Variants in FUT1 observed in about 807,000 individuals in gnomAD.
FUT1 encodes galactoside alpha-(1,2)-fucosyltransferase 1.
For missense variants in FUT1, 476 were observed against 492.7 expected, an observed-to-expected ratio of 0.97 and a Z score of 0.32; for synonymous variants, 215 against 208.7, an observed-to-expected ratio of 1.03 and a Z score of -0.26.
chr19:48,751,030 G>A lies in FUT1; in HGVS notation c.252C>T (p.Tyr84=), dbSNP rs552192939. 1 of 1,594,814 alleles carries A rather than the reference G, an allele frequency of 6.3e-7. No individual in the cohort carries two copies. The highest frequency in any genetic ancestry group is 1.1e-5 in the South Asian group (1 of 87,730). Residue 84 remains tyrosine (Y), a synonymous_variant, in exon 2 of 2, where the codon TAC becomes TAT. Coordinates refer to ENST00000645652, the MANE Select transcript of FUT1 (RefSeq NM_001384359.1). ...PASLSGTWTV[Y]PNGRFGNQMG... is the part of the protein sequence containing the mutation. ...TCTGATTACCAAACCGGCCATTGGG[G>A]TAGACAGTCCAGGTGCCGGAGAGGG...
rs1568490396 is a variant in FUT1 at position 48,750,374 on chromosome 19, G to C, written c.908C>G (p.Thr303Ser). The change falls in exon 2 of 2, where the codon ACC becomes AGC. Residue 303 changes from threonine (T) to serine (S), a missense_variant. Coordinates refer to ENST00000645652, the MANE Select transcript of FUT1 (RefSeq NM_001384359.1). The part of the protein sequence containing the change: ...DFALLTQCNH[T>S]IMTIGTFGFW... ...GCCGAAGGTGCCAATGGTCATAATG[G>C]TGTGGTTGCACTGTGTGAGCAGGGC... 1.2e-6 allele frequency: 2 copies of C among 1,614,250 alleles called. No individual in the cohort carries two copies. Among genetic ancestry groups the C allele is most frequent in the Non-Finnish European group, 8.5e-7 (1 of 1,180,052 alleles).
upstream of FUT1, chr19:48,752,681 G>C: frequency 3.0e-6 from 3 of 985,350 alleles, no homozygotes; most frequent in Non-Finnish European, 2.4e-6. This position sits in a 1 kb window ranked among gnomAD's most constrained non-coding sequence, Gnocchi z 4.3. Context: ...GAGAGGGCGC[G>C]GCCGGGAGTC....
rs751122055 is a variant in FUT1 at position 48,750,254 on chromosome 19, G to T, written c.1028C>A (p.Ala343Glu). 3 of 1,613,784 alleles carry T rather than the reference G, an allele frequency of 1.9e-6. No homozygotes were observed. In the African/African-American group the frequency reaches 4.0e-5, roughly 22 times the overall value. The change falls in exon 2 of 2, where the codon GCG becomes GAG. Residue 343 changes from alanine to glutamate, a missense_variant. By Grantham distance (107) the Ala-to-Glu change is moderately radical. Transcript: ENST00000645652. ...SEFLKIFKPE[A>E]AFLPEWVGIN... is the part of the protein sequence containing the mutation. ...GCCCACCCACTCGGGCAGGAAGGCC[G>T]CCTCCGGCTTAAAGATCTTCAGGAA...
At position 48,748,290 on chromosome 19, in the gene FUT1, C is replaced by G. The variant is rs555111981; in HGVS notation, c.*1894G>C. 3 of 152,466 alleles carry G rather than the reference C, an allele frequency of 2.0e-5. No individual in the cohort carries two copies. The East Asian group carries it at 5.6e-4, about 29-fold the overall frequency. The allele number at this position is 152,466 out of a possible 1,614,324, so 9.4% of individuals were successfully genotyped here. ...ATCTGAGGCTGGGTCCAGGGTCTGC[C>G]TACCTTTAGATCGTTTTATCTCAGA... On this transcript the variant is annotated 3_prime_UTR_variant, in exon 2 of 2. Coordinates refer to ENST00000645652, the MANE Select transcript of FUT1 (RefSeq NM_001384359.1).
At position 48,750,295 on chromosome 19, in the gene FUT1, G is replaced by A. The variant is rs374497042; in HGVS notation, c.987C>T (p.Thr329=). 1.2e-6 allele frequency: 2 copies of A among 1,614,188 alleles called. No individual in the cohort carries two copies. The highest frequency in any genetic ancestry group is 8.5e-7 in the Non-Finnish European group (1 of 1,180,038). Residue 329 remains threonine (T), a synonymous_variant, in exon 2 of 2, where the codon ACC becomes ACT. Transcript: ENST00000645652. The part of the protein sequence containing the change: ...GGDTVYLANF[T]LPDSEFLKIF... ...TCTTCAGGAACTCAGAGTCTGGCAG[G>A]GTGAAGTTGGCCAGGTAGACAGTGT... is the stretch of plus-strand genomic sequence containing the variant.
At chr19:48,752,963 G>A (rs2034027582), upstream of FUT1, 1 of 923,410 alleles carries the variant, frequency 1.1e-6, no homozygotes, top group Non-Finnish European at 1.3e-6. This position sits in a 1 kb window ranked among gnomAD's most constrained non-coding sequence, Gnocchi z 4.3. Context: ...TGCTGGAGCC[G>A]GGAGGTCCAA....
Position 48,750,658 on chromosome 19 carries a change from C to T in FUT1, c.624G>A (p.Gly208=). 1 of 1,612,830 alleles carries T rather than the reference C, an allele frequency of 6.2e-7. No homozygotes were observed. Among genetic ancestry groups the T allele is most frequent in the South Asian group, 1.1e-5 (1 of 91,086 alleles). The change falls in exon 2 of 2, where the codon GGG becomes GGA. Residue 208 remains glycine (G), a synonymous_variant. Coordinates refer to ENST00000645652, the MANE Select transcript of FUT1 (RefSeq NM_001384359.1). The part of the protein sequence containing the change: ...VLGQLRLGRT[G]DRPRTFVGVH... ...CGCCGACAAAGGTGCGCGGGCGGTC[C>T]CCTGTGCGGCCCAGGCGGAGCTGAC...
chr19:48,754,112 G>C (rs2034049559), upstream of FUT1, among the ~76,000 whole-genome samples: 1 of 151,380 alleles, frequency 6.6e-6, no homozygotes, highest in African/African-American at 2.4e-5. Context: ...TGTGAACCCA[G>C]GAGGCGGAGA....
rs1192249495 is a variant in FUT1 at position 48,750,826 on chromosome 19, C to T, written c.456G>A (p.Glu152=). ...RELQLHDWMS[E]EYADLRDPFL... ...AAGGATCTCTCAAGTCCGCGTACTC[C>T]TCCGACATCCAGTCGTGAAGCTGCA... The change falls in exon 2 of 2, where the codon GAG becomes GAA. Residue 152 remains glutamate (E), a synonymous_variant. Coordinates refer to ENST00000645652, the MANE Select transcript of FUT1 (RefSeq NM_001384359.1). 6.2e-7 allele frequency: 1 copy of T among 1,613,808 alleles called. No homozygotes were observed. Among genetic ancestry groups the T allele is most frequent in the Non-Finnish European group, 8.5e-7 (1 of 1,180,006 alleles).
At chr19:48,751,489 T>C (rs1030732933) in intron 1 of FUT1, among the ~76,000 whole-genome samples, 1 of 151,982 alleles carries the variant, frequency 6.6e-6, no homozygotes, top group African/African-American at 2.4e-5. Flanking sequence ...TTTCGGGGCA[T>C]GGGGACTGGA....
rs1481292218 is a variant in FUT1, at chr19:48,750,403, G to A, written c.879C>T (p.Asp293=). The A allele has an allele frequency of 1.9e-6, 3 of 1,614,134 alleles. No homozygotes were observed. Among genetic ancestry groups the A allele is most frequent in the East Asian group, 2.2e-5 (1 of 44,902 alleles). ...GGTTGCACTGTGTGAGCAGGGCAAA[G>A]TCTTTCCACGGTGTAGCCTCCTGTC... ...GDGQEATPWK[D]FALLTQCNHT... The change falls in exon 2 of 2, where the codon GAC becomes GAT. Residue 293 remains aspartate (D), a synonymous_variant. Transcript: ENST00000645652.
At position 48,751,252 on chromosome 19, in the gene FUT1, G is replaced by A. The variant is rs1194135031; in HGVS notation, c.30C>T (p.Cys10=). 6.2e-7 allele frequency: 1 copy of A among 1,614,008 alleles called. No individual in the cohort carries two copies. Among genetic ancestry groups the A allele is most frequent in the Non-Finnish European group, 8.5e-7 (1 of 1,179,998 alleles). The part of the protein sequence containing the change: MWLRSHRQL[C]LAFLLVCVLS... ...GGACACAGACTAGCAGGAAGGCCAG[G>A]CAGAGCTGACGATGGCTCCGGAGCC... Residue 10 remains cysteine (C), a synonymous_variant, in exon 2 of 2, where the codon TGC becomes TGT. Transcript: ENST00000645652.
In FUT1 at chr19:48,749,732, C is replaced by T. The variant is rs12611028; in HGVS notation, c.*452G>A. 35,481 of 210,604 alleles carry T rather than the reference C, an allele frequency of 0.17. 3,270 individuals are homozygous for T. Among genetic ancestry groups the T allele is most frequent in the East Asian group, 0.28 (2,429 of 8,590 alleles). 13.0% of individuals were successfully genotyped at this position (210,604 alleles called of 1,614,324 possible). A position where few individuals can be genotyped will look rare whatever the true frequency, so the allele number is the denominator to read the frequency against. On this transcript the variant is annotated 3_prime_UTR_variant, in exon 2 of 2. Transcript: ENST00000645652. ...TCACAGGCATCAAACCTGGTCCTCT[C>T]TAGAACAAGTCTCCCTCTAGAATCA...
chr19:48,752,785 G>A (rs1230397110), upstream of FUT1: 1 of 985,318 alleles, frequency 1.0e-6, no homozygotes, highest in Non-Finnish European at 1.2e-6. The surrounding 1 kb of genome is among the most constrained non-coding windows in gnomAD (Gnocchi z 4.3). Context: ...GGGCTAAGGC[G>A]ATGGCCCCTG....
At chr19:48,752,729 G>C, upstream of FUT1, 3 of 985,388 alleles carry the variant, frequency 3.0e-6, no homozygotes, top group Non-Finnish European at 3.6e-6. This position sits in a 1 kb window ranked among gnomAD's most constrained non-coding sequence, Gnocchi z 4.3. Flanking sequence ...CGGATGGCTG[G>C]AAGGTGGAGC....
rs141180477 is a variant in FUT1, at chr19:48,750,259, C to G, written c.1023G>C (p.Pro341=). The change falls in exon 2 of 2, where the codon CCG becomes CCC. Residue 341 remains proline, a synonymous_variant. Coordinates refer to ENST00000645652, the MANE Select transcript of FUT1 (RefSeq NM_001384359.1). ...PDSEFLKIFK[P]EAAFLPEWVG... ...CCCACTCGGGCAGGAAGGCCGCCTC[C>G]GGCTTAAAGATCTTCAGGAACTCAG... is the stretch of plus-strand genomic sequence containing the variant. 1 of 1,613,988 alleles carries G rather than the reference C, an allele frequency of 6.2e-7. No homozygotes were observed. Among genetic ancestry groups the G allele is most frequent in the Non-Finnish European group, 8.5e-7 (1 of 1,179,946 alleles).
upstream of FUT1, chr19:48,752,722 A>C (rs910386044): frequency 8.1e-6 from 8 of 985,026 alleles, no homozygotes; most frequent in Non-Finnish European, 9.6e-6. This position sits in a 1 kb window ranked among gnomAD's most constrained non-coding sequence, Gnocchi z 4.3. Context: ...GGCCGGGCGG[A>C]TGGCTGGAAG....
chr19:48,752,779 T>A (rs1044549898), upstream of FUT1: 2 of 984,984 alleles, frequency 2.0e-6, no homozygotes, highest in East Asian at 2.3e-4. The surrounding 1 kb of genome is among the most constrained non-coding windows in gnomAD (Gnocchi z 4.3). Flanking sequence ...CGCCAGGGGC[T>A]AAGGCGATGG....
At chr19:48,753,433 C>T (rs2034036098), upstream of FUT1, 1 of 152,352 alleles carries the variant, frequency 6.6e-6, no homozygotes, top group South Asian at 2.1e-4. Context: ...AGACAAAGGC[C>T]TCTGCCCGCT....
Sources: gnomAD v4.1 joint callset for allele counts (sites outside exome capture counted in the v4.1 genomes callset) on GRCh38, gnomAD v4.1.1 for gene constraint, Gnocchi (gnomAD v3.1) non-coding constraint, MANE v1.5 for transcripts, NCBI Gene and HGNC (gene_info 2026-07-23, HGNC 2026-07-21) for gene names.